The following MDGA2 variants were observed in gnomAD, a reference collection of about 807,000 sequenced individuals.
MDGA2 encodes MAM domain containing glycosylphosphatidylinositol anchor 2.
A neutral mutation model predicts 117.8 loss-of-function variants in MDGA2; 40 were observed. The observed-to-expected ratio is 0.34, with a 90% CI of 0.26 to 0.44. The LOEUF is 0.44. Among genes scored for constraint, MDGA2 ranks in the 20% least tolerant of loss-of-function variants. The pLI is 1.00. For missense variants in MDGA2, 1,123 were observed against 1,250.6 expected (o/e 0.90, Z 1.54); for synonymous variants, 452 against 439.0 (o/e 1.03, Z -0.37).
chr14:47,431,413 T>C lies in MDGA2; in HGVS notation c.281-129863A>G, dbSNP rs144688485. ...CCTGAGTAAAAATAAAATTATGATA[T>C]TCATGTCATTGGAATGCTATGGGAC... On this transcript the variant is annotated intron_variant, in intron 1 of 16. Coordinates refer to ENST00000399232, the MANE Select transcript of MDGA2 (RefSeq NM_001113498.3). 3.3e-3 allele frequency among the ~76,000 whole-genome samples: 506 copies of C among 152,140 alleles called. 7 individuals are homozygous for C. The highest frequency in any genetic ancestry group is 0.011 in the African/African-American group (472 of 41,544).
At chr14:47,324,569 A>G (rs1890085218) in intron 1 of MDGA2, among the ~76,000 whole-genome samples, 1 of 152,152 alleles carries the variant, frequency 6.6e-6, no homozygotes, top group Non-Finnish European at 1.5e-5. Flanking sequence ...TTATCACAAG[A>G]GTATTCTTTT....
chr14:47,170,746 C>T (rs1232263476), intron 3 of MDGA2, among the ~76,000 whole-genome samples: 1 of 152,064 alleles, frequency 6.6e-6, no homozygotes, highest in Admixed American at 6.6e-5. Context: ...AGGAAGTTTC[C>T]TATAAAAACT....
chr14:47,120,044 A>G (rs1278146239), intron 5 of MDGA2, among the ~76,000 whole-genome samples: 2 of 152,196 alleles, frequency 1.3e-5, no homozygotes, highest in African/African-American at 4.8e-5. Flanking sequence ...GTTTTGAAGA[A>G]TTTTCTAAAA....
chr14:46,844,562 CAA>C (rs57884009), intron 16 of MDGA2, among the ~76,000 whole-genome samples: 7,298 of 151,400 alleles, frequency 0.048, 577 homozygotes, highest in African/African-American at 0.17. Context: ...GCCTGGGCAA[CAA>C]GAGCAAAACT....
intron 1 of MDGA2, among the ~76,000 whole-genome samples, chr14:47,354,648 AT>A (rs1424837642): frequency 1.3e-5 from 2 of 152,140 alleles, no homozygotes; most frequent in Non-Finnish European, 2.9e-5. Flanking sequence ...TTTGAGAACT[AT>A]CCCCAACATT....
At chr14:47,502,683 G>A (rs545438260) in intron 1 of MDGA2, among the ~76,000 whole-genome samples, 2 of 151,374 alleles carry the variant, frequency 1.3e-5, no homozygotes, top group Non-Finnish European at 2.9e-5. Flanking sequence ...GTATTTTTTT[G>A]GGGGGGACAG....
rs539508807 is a variant in MDGA2 at position 47,529,937 on chromosome 14, G to A, written c.280+144580C>T. On this transcript the variant is annotated intron_variant, in intron 1 of 16. Transcript: ENST00000399232. ...GGAGACCCCCTGAAACTACTGCTACGGAATAAAAGATGAAATCCTCCTGAT... is the reference window on the plus strand; with the variant it reads ...GGAGACCCCCTGAAACTACTGCTACAGAATAAAAGATGAAATCCTCCTGAT... Among the ~76,000 whole-genome samples, 6 of 152,260 alleles carry A rather than the reference G, an allele frequency of 3.9e-5. No homozygotes were observed. In the East Asian group the frequency reaches 5.8e-4, roughly 15 times the overall value.
At chr14:47,186,639 G>A (rs1251875063) in intron 3 of MDGA2, among the ~76,000 whole-genome samples, 4 of 151,914 alleles carry the variant, frequency 2.6e-5, no homozygotes, top group Non-Finnish European at 5.9e-5. Context: ...AGATTCCATA[G>A]CTATTAAGTA....
intron 1 of MDGA2, among the ~76,000 whole-genome samples, chr14:47,332,222 GAC>G (rs1191861221): frequency 2.0e-5 from 3 of 152,018 alleles, no homozygotes; most frequent in Non-Finnish European, 4.4e-5. Flanking sequence ...AAAGCTGAAA[GAC>G]AGTCATTTAT....
chr14:46,974,125 T>G (rs1886368153), intron 8 of MDGA2, among the ~76,000 whole-genome samples: 1 of 152,020 alleles, frequency 6.6e-6, no homozygotes, highest in Admixed American at 6.6e-5. Context: ...TCAAAAGTAG[T>G]AAAATATGTA....
chr14:47,286,446 T>C (rs1382208463), intron 2 of MDGA2, among the ~76,000 whole-genome samples: 2 of 152,098 alleles, frequency 1.3e-5, no homozygotes, highest in Admixed American at 1.3e-4. Context: ...ATTAGTTTAT[T>C]TGTAGCTCTT....
chr14:46,931,367 T>C (rs746169125), intron 9 of MDGA2, among the ~76,000 whole-genome samples: 14 of 152,054 alleles, frequency 9.2e-5, no homozygotes, highest in African/African-American at 1.7e-4. Flanking sequence ...ATTTTTAAAT[T>C]TGTTAATATT....
At chr14:47,164,450 C>T (rs1235128885) in intron 3 of MDGA2, among the ~76,000 whole-genome samples, 1 of 152,126 alleles carries the variant, frequency 6.6e-6, no homozygotes, top group Non-Finnish European at 1.5e-5. Flanking sequence ...AGGATATGAA[C>T]AGACACTTCT....
At chr14:47,156,542 C>A (rs932001468) in intron 3 of MDGA2, among the ~76,000 whole-genome samples, 2 of 152,134 alleles carry the variant, frequency 1.3e-5, no homozygotes, top group South Asian at 2.1e-4. Context: ...TTAACTGCGA[C>A]TGAAGTCACA....
intron 1 of MDGA2, among the ~76,000 whole-genome samples, chr14:47,564,866 G>T (rs1479303010): frequency 2.0e-5 from 3 of 152,112 alleles, no homozygotes; most frequent in Admixed American, 2.0e-4. Flanking sequence ...TGGTCTTCAA[G>T]CTCTGAGATT....
At chr14:47,392,872 A>C (rs1022201093) in intron 1 of MDGA2, among the ~76,000 whole-genome samples, 1 of 152,158 alleles carries the variant, frequency 6.6e-6, no homozygotes, top group Non-Finnish European at 1.5e-5. Flanking sequence ...TTTAGGGCAA[A>C]GAAAAAGCTC....
intron 1 of MDGA2, among the ~76,000 whole-genome samples, chr14:47,552,315 T>C (rs1895597543): frequency 6.6e-6 from 1 of 152,208 alleles, no homozygotes; most frequent in African/African-American, 2.4e-5. Flanking sequence ...TATCCAACTG[T>C]CTACTCAATG....
intron 1 of MDGA2, among the ~76,000 whole-genome samples, chr14:47,402,702 C>T (rs1403145814): frequency 6.6e-6 from 1 of 152,052 alleles, no homozygotes; most frequent in African/African-American, 2.4e-5. Flanking sequence ...TACAAAATAT[C>T]ATATGCATGT....
chr14:47,365,152 C>T (rs1891205623), intron 1 of MDGA2, among the ~76,000 whole-genome samples: 1 of 152,218 alleles, frequency 6.6e-6, no homozygotes, highest in South Asian at 2.1e-4. Flanking sequence ...ATAATACTTT[C>T]ATCTCCATCC....
Sources: gnomAD v4.1 joint callset for allele counts (sites outside exome capture counted in the v4.1 genomes callset) on GRCh38, gnomAD v4.1.1 for gene constraint, MANE v1.5 for transcripts, NCBI Gene and HGNC (gene_info 2026-07-23, HGNC 2026-07-21) for gene names.